The following FAT3 variants were observed in gnomAD, a reference collection of about 807,000 sequenced individuals.
FAT3 encodes the protein FAT atypical cadherin 3, also known as protocadherin Fat 3.
Under a neutral mutation model 310.2 loss-of-function variants are expected in FAT3, and 95 were observed. That is an observed-to-expected ratio of 0.31 (90% confidence interval 0.26 to 0.36). The LOEUF is 0.36. FAT3 is among the 10% of genes least tolerant of loss of function. The pLI, the probability that FAT3 is intolerant of heterozygous loss-of-function variation, is 1.00. For missense variants in FAT3, 5,408 were observed against 5,715.6 expected, an observed-to-expected ratio of 0.95 and a Z score of 1.74; for synonymous variants, 2,314 against 2,192.9, an observed-to-expected ratio of 1.06 and a Z score of -1.54.
intron 2 of FAT3, among the ~76,000 whole-genome samples, chr11:92,459,996 T>C (rs1951594105): frequency 6.6e-6 from 1 of 152,116 alleles, no homozygotes; most frequent in Non-Finnish European, 1.5e-5. Flanking sequence ...TGTTTTCCTT[T>C]GTTTTGTCTT....
chr11:92,424,985 A>T (rs601451), intron 2 of FAT3, among the ~76,000 whole-genome samples: 102,031 of 152,038 alleles, frequency 0.67, 37,779 homozygotes, highest in Non-Finnish European at 0.8. Flanking sequence ...CATTTTTGTC[A>T]GGTGACTTAA....
At position 92,801,629 on chromosome 11, in the gene FAT3, G is replaced by T. The variant is rs756205074; in HGVS notation, c.8616G>T (p.Thr2872=). 2 of 1,613,630 alleles carry T rather than the reference G, an allele frequency of 1.2e-6. No individual in the cohort carries two copies. The highest frequency in any genetic ancestry group is 1.7e-5 in the Admixed American group (1 of 59,986). ...VMEAFNIDSN[T]GWISTLKDLD... ...AAGCATTCAATATTGACAGCAACAC[G>T]GGCTGGATCAGTACCTTGAAGGACC... Residue 2872 remains threonine, a synonymous_variant, in exon 10 of 28, where the codon ACG becomes ACT. Transcript: ENST00000525166.
At chr11:92,422,470 C>G (rs1049624930) in intron 2 of FAT3, among the ~76,000 whole-genome samples, 3 of 152,092 alleles carry the variant, frequency 2.0e-5, no homozygotes, top group Non-Finnish European at 4.4e-5. Flanking sequence ...AGCTATAGTT[C>G]CTTTTCAGTA....
chr11:92,240,591 C>CA lies in FAT3; in HGVS notation c.-18+15423dup, dbSNP rs368326946. Among the ~76,000 whole-genome samples the CA allele has an allele frequency of 6.5e-5, 9 of 138,826 alleles. 1 individual carries two copies. Among genetic ancestry groups the CA allele is most frequent in the African/African-American group, 1.1e-4 (4 of 37,722 alleles). 91.1% of individuals were successfully genotyped at this position (138,826 alleles called of 152,430 possible). On this transcript the variant is annotated intron_variant, in intron 1 of 27. Coordinates refer to ENST00000525166, the MANE Select transcript of FAT3 (RefSeq NM_001367949.2). ...GAAACCCCCCCAAAAAAAAAAAACC[C>CA]AAAAAACCAAATCCCAAACTGTAAT...
At chr11:92,377,327 T>C (rs937664859) in intron 2 of FAT3, among the ~76,000 whole-genome samples, 7 of 152,138 alleles carry the variant, frequency 4.6e-5, no homozygotes, top group Admixed American at 1.3e-4. Context: ...GATACTGAGG[T>C]GTGGGATAAT....
intron 4 of FAT3, among the ~76,000 whole-genome samples, chr11:92,701,015 A>G (rs1439828982): frequency 1.3e-5 from 2 of 152,202 alleles, no homozygotes; most frequent in Non-Finnish European, 2.9e-5. Context: ...TGTTATACAC[A>G]AAATTTTGAA....
At chr11:92,674,418 C>T (rs1018411394) in intron 3 of FAT3, among the ~76,000 whole-genome samples, 6 of 151,876 alleles carry the variant, frequency 4.0e-5, no homozygotes, top group Non-Finnish European at 8.8e-5. Context: ...CATTGAGACC[C>T]TGGAGTCAGT....
intron 3 of FAT3, among the ~76,000 whole-genome samples, chr11:92,591,806 A>G (rs1939440345): frequency 6.6e-6 from 1 of 152,214 alleles, no homozygotes; most frequent in Non-Finnish European, 1.5e-5. Context: ...TGTTGCAAAG[A>G]AAAATGAACA....
At chr11:92,486,519 A>T (rs1467247589) in intron 2 of FAT3, among the ~76,000 whole-genome samples, 1 of 152,096 alleles carries the variant, frequency 6.6e-6, no homozygotes. Context: ...TAATTCTATA[A>T]AGCATTTATT....
chr11:92,681,568 C>T (rs952930238), intron 3 of FAT3, among the ~76,000 whole-genome samples: 1 of 152,164 alleles, frequency 6.6e-6, no homozygotes, highest in Non-Finnish European at 1.5e-5. Context: ...AAAGACTTTG[C>T]TTTCAGAAGA....
At chr11:92,280,252 C>G (rs929048985) in intron 1 of FAT3, among the ~76,000 whole-genome samples, 2 of 151,938 alleles carry the variant, frequency 1.3e-5, no homozygotes, top group Admixed American at 1.3e-4. Context: ...TTTAATATGA[C>G]AAAAGCCTGT....
chr11:92,561,172 T>G (rs139239551), intron 3 of FAT3, among the ~76,000 whole-genome samples: 1 of 152,118 alleles, frequency 6.6e-6, no homozygotes, highest in Non-Finnish European at 1.5e-5. Context: ...GTCACCACAG[T>G]ACCCTAGTGA....
At position 92,789,960 on chromosome 11, in the gene FAT3, G is replaced by A; in HGVS notation, c.4353G>A (p.Leu1451=). Residue 1451 remains leucine, a synonymous_variant, in exon 8 of 28, where the codon CTG becomes CTA. Coordinates refer to ENST00000525166, the MANE Select transcript of FAT3 (RefSeq NM_001367949.2). ...AACTACAGGTATTTATCAAAGTGCT[G>A]GATAATAATGATAATGGCCCAGAAT... ...VAVTQVFIKV[L]DNNDNGPEFS... is the part of the protein sequence containing the mutation. 1 of 1,613,548 alleles carries A rather than the reference G, an allele frequency of 6.2e-7. No individual in the cohort carries two copies. The highest frequency in any genetic ancestry group is 2.2e-5 in the East Asian group (1 of 44,850).
chr11:92,290,252 T>C (rs1946657142), intron 1 of FAT3, among the ~76,000 whole-genome samples: 1 of 152,166 alleles, frequency 6.6e-6, no homozygotes, highest in South Asian at 2.1e-4. Context: ...TATATTACGG[T>C]TATTTTCTTT....
Position 92,890,794 on chromosome 11 carries a change from G to T in FAT3, c.13451G>T (p.Arg4484Ile), listed in dbSNP as rs146396927. ...LASTLSPDCR[R>I]RPQFHPSQYL... ...AGCACACTGAGCCCAGACTGCAGGA[G>T]AAGGCCCCAGTTTCATCCTAGCCAG... is the stretch of plus-strand genomic sequence containing the variant. Residue 4484 changes from arginine to isoleucine, a missense_variant, in exon 28 of 28, where the codon AGA (arginine) becomes ATA (isoleucine). By Grantham distance (97) the Arg-to-Ile change is moderately conservative. Around this residue, in one of 5 missense-constraint regions of FAT3, gnomAD observed 649 missense variants for 666.2 expected, o/e 0.97. Transcript: ENST00000525166. The T allele has an allele frequency of 2.2e-4, 353 of 1,613,858 alleles. 2 individuals carry two copies. In the African/African-American group the frequency reaches 4.5e-3, roughly 20 times the overall value.
At position 92,488,623 on chromosome 11, in the gene FAT3, T is replaced by A. The variant is rs1398028245; in HGVS notation, c.3293-36011T>A. 3.9e-5 allele frequency among the ~76,000 whole-genome samples: 6 copies of A among 151,946 alleles called. No individual in the cohort carries two copies. In the East Asian group the frequency reaches 7.8e-4, roughly 20 times the overall value. ...CCCATTATATCCTACTTGTCCTCCC[T>A]ATACTTTCAAGTTTCCCTCCTCTGC... On this transcript the variant is annotated intron_variant, in intron 2 of 27. Transcript: ENST00000525166.
At chr11:92,583,555 C>T (rs536003024) in intron 3 of FAT3, among the ~76,000 whole-genome samples, 10 of 151,496 alleles carry the variant, frequency 6.6e-5, no homozygotes, top group African/African-American at 2.2e-4. Flanking sequence ...GCCTCCTTGT[C>T]CCCCATTCTG....
At chr11:92,789,811 T>C (rs1281985598) in intron 7 of FAT3, 132 bp from the exon 8 acceptor site, 7 of 821,754 alleles carry the variant, frequency 8.5e-6, no homozygotes, top group Non-Finnish European at 1.3e-5. Flanking sequence ...GTGAGTTTCC[T>C]CTGTGTTGCA....
rs1269067699 is a variant in FAT3, at chr11:92,801,567, T to A, written c.8554T>A (p.Ser2852Thr). 3.7e-6 allele frequency: 6 copies of A among 1,608,434 alleles called. No individual in the cohort carries two copies. Among genetic ancestry groups the A allele is most frequent in the Middle Eastern group, 1.6e-4 (1 of 6,078 alleles). Residue 2852 changes from serine to threonine, a missense_variant, in exon 10 of 28, where the codon TCC becomes ACC. Physicochemically the swap from Ser to Thr is moderately conservative, Grantham distance 58. Transcript: ENST00000525166. ...DWGANGQVTY[S>T]LHSDSQPEKV... ...GGGAGCCAATGGACAAGTCACTTACTCCCTCCACTCGGATTCCCAGCCCGA... is the reference window on the plus strand; with the variant it reads ...GGGAGCCAATGGACAAGTCACTTACACCCTCCACTCGGATTCCCAGCCCGA...
Sources: gnomAD v4.1 joint callset for allele counts (sites outside exome capture counted in the v4.1 genomes callset) on GRCh38, gnomAD v4.1.1 for gene constraint, gnomAD v4.1.1 regional missense constraint, MANE v1.5 for transcripts, NCBI Gene and HGNC (gene_info 2026-07-23, HGNC 2026-07-21) for gene names.